CHST8: variants seen among roughly 807,000 people sequenced by gnomAD.
The protein encoded by CHST8 is GALNAC-4-ST1.
In CHST8, 10 loss-of-function variants were observed where a neutral mutation model predicts 15.0. That is an observed-to-expected ratio of 0.67 (90% CI 0.41 to 1.13). The LOEUF is 1.13. CHST8 is among the 50% of genes most tolerant of loss of function. CHST8 has a pLI of 0.00. For missense variants in CHST8, 634 were observed against 608.2 expected (o/e 1.04, Z -0.45); for synonymous variants, 259 against 256.6 (o/e 1.01, Z -0.09).
chr19:33,740,954 A>C (rs992585896), intron 3 of CHST8, among the ~76,000 whole-genome samples: 2 of 152,180 alleles, frequency 1.3e-5, no homozygotes, highest in African/African-American at 4.8e-5. Context: ...AGAGAACAGA[A>C]CCTGGAGCTA....
At chr19:33,671,316 C>G (rs1019747724) in intron 2 of CHST8, among the ~76,000 whole-genome samples, 1 of 152,156 alleles carries the variant, frequency 6.6e-6, no homozygotes, top group Non-Finnish European at 1.5e-5. Flanking sequence ...GAATGGTGGA[C>G]AGATTTCCAC....
At chr19:33,699,919 C>T (rs1055820140) in intron 3 of CHST8, among the ~76,000 whole-genome samples, 1 of 152,184 alleles carries the variant, frequency 6.6e-6, no homozygotes, top group African/African-American at 2.4e-5. Context: ...ACAGGAGCGC[C>T]TGCTAAGAAG....
chr19:33,698,836 T>TG (rs1315517878), intron 3 of CHST8, among the ~76,000 whole-genome samples: 1 of 152,066 alleles, frequency 6.6e-6, no homozygotes, highest in Non-Finnish European at 1.5e-5. Flanking sequence ...GCCCCCACCA[T>TG]GCCCTCGCCC....
intron 3 of CHST8, among the ~76,000 whole-genome samples, chr19:33,712,265 G>A (rs1973567932): frequency 6.6e-6 from 1 of 152,158 alleles, no homozygotes; most frequent in Admixed American, 6.5e-5. Flanking sequence ...CATGGTTATG[G>A]GGATGGCCAG....
chr19:33,681,199 A>T (rs1600257988), intron 2 of CHST8, among the ~76,000 whole-genome samples: 1 of 152,260 alleles, frequency 6.6e-6, no homozygotes, highest in Non-Finnish European at 1.5e-5. Flanking sequence ...AGCTGGGCTC[A>T]GTGGAGTTCA....
chr19:33,721,050 GCT>G (rs1420617311), intron 3 of CHST8, among the ~76,000 whole-genome samples: 1 of 152,224 alleles, frequency 6.6e-6, no homozygotes, highest in Admixed American at 6.5e-5. Flanking sequence ...ACTCATCTCA[GCT>G]CTGTCTTATC....
intron 2 of CHST8, among the ~76,000 whole-genome samples, chr19:33,685,769 C>T (rs1232029989): frequency 1.3e-5 from 2 of 152,170 alleles, no homozygotes; most frequent in Non-Finnish European, 2.9e-5. Flanking sequence ...ACAGACAGCT[C>T]TTAGACCAGC....
intron 1 of CHST8, among the ~76,000 whole-genome samples, chr19:33,654,804 G>C (rs1195274570): frequency 6.6e-6 from 1 of 152,092 alleles, no homozygotes; most frequent in Non-Finnish European, 1.5e-5. Flanking sequence ...CATCTTATGA[G>C]GGCCCTGACT....
chr19:33,676,118 G>A (rs1972806388), intron 2 of CHST8, among the ~76,000 whole-genome samples: 2 of 151,346 alleles, frequency 1.3e-5, no homozygotes, highest in Non-Finnish European at 2.9e-5. Context: ...TGGACCTCAG[G>A]CCAAATCCAG....
intron 3 of CHST8, among the ~76,000 whole-genome samples, chr19:33,744,783 C>T (rs1974279629): frequency 6.6e-6 from 1 of 152,150 alleles, no homozygotes; most frequent in African/African-American, 2.4e-5. Flanking sequence ...GAGTCTTGCT[C>T]TGTCGCCCAG....
chr19:33,681,937 C>T (rs1175321616), intron 2 of CHST8, among the ~76,000 whole-genome samples: 1 of 151,580 alleles, frequency 6.6e-6, no homozygotes, highest in Non-Finnish European at 1.5e-5. Flanking sequence ...CATGACCTCG[C>T]CTCACTGCAA....
At chr19:33,686,750 G>T (rs540935582) in intron 2 of CHST8, among the ~76,000 whole-genome samples, 1 of 152,220 alleles carries the variant, frequency 6.6e-6, no homozygotes, top group Admixed American at 6.5e-5. Flanking sequence ...CCACACCGTG[G>T]CCAGCTTACT....
At position 33,757,518 on chromosome 19, in the gene CHST8, G is replaced by T. The variant is rs1599630253; in HGVS notation, c.131-13895G>T. Among the ~76,000 whole-genome samples, 3 of 54,104 alleles carry T rather than the reference G, an allele frequency of 5.5e-5. 1 individual carries two copies. The highest frequency in any genetic ancestry group is 2.1e-4 in the Admixed American group (1 of 4,800). The allele number at this position is 54,104 out of a possible 152,430, so 35.5% of individuals were successfully genotyped here. A position where few individuals can be genotyped will look rare whatever the true frequency, so the allele number is the denominator to read the frequency against. On this transcript the variant is annotated intron_variant, in intron 3 of 4. Transcript: ENST00000650847. ...AGAAAGAAAGAAAGAAAGAAAGAAA[G>T]AAAGAGAAAGAAAGAAAGAAAGAAA...
chr19:33,722,870 G>A (rs1165507424), intron 3 of CHST8, among the ~76,000 whole-genome samples: 1 of 152,184 alleles, frequency 6.6e-6, no homozygotes, highest in African/African-American at 2.4e-5. Flanking sequence ...TACACTAAGT[G>A]GATCAATAAC....
intron 2 of CHST8, among the ~76,000 whole-genome samples, chr19:33,673,176 C>T (rs558505897): frequency 1.3e-5 from 2 of 152,276 alleles, no homozygotes; most frequent in African/African-American, 4.8e-5. Flanking sequence ...CACAGCTGGT[C>T]CCCGTGCCCG....
intron 1 of CHST8, among the ~76,000 whole-genome samples, chr19:33,655,949 G>A (rs1486108736): frequency 6.6e-6 from 1 of 152,030 alleles, no homozygotes; most frequent in Non-Finnish European, 1.5e-5. Context: ...AATTTTTTAA[G>A]TTGAACATCT....
chr19:33,750,815 G>A (rs138713409), intron 3 of CHST8, among the ~76,000 whole-genome samples: 3,225 of 152,142 alleles, frequency 0.021, 55 homozygotes, highest in East Asian at 0.029. Context: ...CCTGGCTGGG[G>A]CATCTGATAC....
chr19:33,698,378 A>G (rs284332), intron 3 of CHST8, among the ~76,000 whole-genome samples: 53,318 of 149,440 alleles, frequency 0.36, 10,290 homozygotes, highest in African/African-American at 0.5. Context: ...GCGAGACTCC[A>G]TCTCAAAAAG....
At chr19:33,668,832 T>C (rs1376680123) in intron 2 of CHST8, among the ~76,000 whole-genome samples, 1 of 152,300 alleles carries the variant, frequency 6.6e-6, no homozygotes, top group East Asian at 1.9e-4. Flanking sequence ...ATATGGACTC[T>C]CGTGCGTGTG....
Sources: gnomAD v4.1 joint callset for allele counts (sites outside exome capture counted in the v4.1 genomes callset) on GRCh38, gnomAD v4.1.1 for gene constraint, MANE v1.5 for transcripts, NCBI Gene and HGNC (gene_info 2026-07-23, HGNC 2026-07-21) for gene names.